FOXP1: variants seen among roughly 807,000 people sequenced by gnomAD.
FOXP1 encodes the protein forkhead box protein P1.
In FOXP1, 15 loss-of-function variants were observed where a neutral mutation model predicts 98.2. The observed-to-expected ratio is 0.15, with a 90% confidence interval of 0.10 to 0.24. The LOEUF is 0.24. FOXP1 is among the 10% of genes least tolerant of loss of function. The pLI is 1.00. For missense variants in FOXP1, 633 were observed against 848.5 expected, an observed-to-expected ratio of 0.75 and a Z score of 3.15; for synonymous variants, 371 against 314.5, an observed-to-expected ratio of 1.18 and a Z score of -1.90.
At chr3:71,233,906 A>G (rs2066554564) in intron 5 of FOXP1, among the ~76,000 whole-genome samples, 1 of 152,216 alleles carries the variant, frequency 6.6e-6, no homozygotes, top group Non-Finnish European at 1.5e-5. Flanking sequence ...ATTACATGAC[A>G]GAGAAATTTT....
chr3:71,208,384 G>C (rs1284215981), intron 5 of FOXP1, among the ~76,000 whole-genome samples: 2 of 152,140 alleles, frequency 1.3e-5, no homozygotes, highest in African/African-American at 4.8e-5. Context: ...ATTACACTAA[G>C]GAAATCTCTT....
intron 5 of FOXP1, among the ~76,000 whole-genome samples, chr3:71,235,709 G>T (rs1361156593): frequency 1.3e-5 from 2 of 152,098 alleles, no homozygotes; most frequent in South Asian, 4.2e-4. Flanking sequence ...TGGGACTAAA[G>T]GTGCGTGCCA....
intron 3 of FOXP1, among the ~76,000 whole-genome samples, chr3:71,421,294 T>C (rs889149262): frequency 6.6e-6 from 1 of 152,108 alleles, no homozygotes; most frequent in Non-Finnish European, 1.5e-5. Flanking sequence ...ATAAAAAAAA[T>C]TAAACACATT....
intron 5 of FOXP1, among the ~76,000 whole-genome samples, chr3:71,271,617 G>A (rs781487699): frequency 5.9e-5 from 9 of 152,136 alleles, no homozygotes; most frequent in South Asian, 4.1e-4. Flanking sequence ...AGAACCACAC[G>A]GGTAATAGCA....
chr3:70,977,922 G>T lies in FOXP1; in HGVS notation c.1254C>A (p.Thr418=), dbSNP rs1320454766. ...TGGTTGTGATGACAGAGGGGCCTTG[G>T]GTGACGGGAGTCAGGGGGGCGGTTG... ...TTPTAPLTPV[T]QGPSVITTTS... is the part of the protein sequence containing the mutation. The change falls in exon 15 of 21, where the codon ACC becomes ACA. Residue 418 remains threonine (T), a synonymous_variant. Coordinates refer to ENST00000649528, the MANE Select transcript of FOXP1 (RefSeq NM_001349338.3). 5 of 1,614,164 alleles carry T rather than the reference G, an allele frequency of 3.1e-6. No individual in the cohort carries two copies. Among genetic ancestry groups the T allele is most frequent in the Admixed American group, 3.3e-5 (2 of 60,022 alleles).
intron 6 of FOXP1, among the ~76,000 whole-genome samples, chr3:71,180,915 G>A (rs986289301): frequency 6.6e-5 from 10 of 152,090 alleles, no homozygotes. Flanking sequence ...GTTGCTAGTA[G>A]GTATGGTGGA....
At chr3:71,323,211 C>T (rs931559560) in intron 4 of FOXP1, among the ~76,000 whole-genome samples, 2 of 152,028 alleles carry the variant, frequency 1.3e-5, no homozygotes, top group African/African-American at 4.8e-5. Context: ...CCTCATGATC[C>T]GCCCGCCTCG....
intron 4 of FOXP1, among the ~76,000 whole-genome samples, chr3:71,355,408 T>A (rs529385013): frequency 1.3e-5 from 2 of 151,962 alleles, no homozygotes; most frequent in Admixed American, 6.6e-5. Flanking sequence ...TCAAGAAAAA[T>A]AATAAAGGGG....
At chr3:71,180,352 T>G (rs979124198) in intron 6 of FOXP1, among the ~76,000 whole-genome samples, 4 of 152,038 alleles carry the variant, frequency 2.6e-5, no homozygotes, top group African/African-American at 9.7e-5. Context: ...GCTGTCTTGG[T>G]TCTAGGTACT....
intron 3 of FOXP1, among the ~76,000 whole-genome samples, chr3:71,373,538 T>TTTTTCTATAG (rs1167343148): frequency 6.6e-6 from 1 of 152,166 alleles, no homozygotes; most frequent in Non-Finnish European, 1.5e-5. Context: ...TACCAAATGA[T>TTTTTCTATAG]TTTTCTATAG....
intron 3 of FOXP1, among the ~76,000 whole-genome samples, chr3:71,390,672 T>C (rs1577262500): frequency 6.6e-6 from 1 of 152,198 alleles, no homozygotes; most frequent in African/African-American, 2.4e-5. Flanking sequence ...CATGATGACA[T>C]TCTGTTCCAG....
At chr3:71,446,356 G>A (rs1484305640) in intron 3 of FOXP1, among the ~76,000 whole-genome samples, 1 of 152,090 alleles carries the variant, frequency 6.6e-6, no homozygotes, top group African/African-American at 2.4e-5. Context: ...AACAGGGAGG[G>A]TAATAAGCAG....
chr3:71,452,416 C>A (rs2087039985), intron 3 of FOXP1, among the ~76,000 whole-genome samples: 2 of 152,094 alleles, frequency 1.3e-5, no homozygotes, highest in South Asian at 2.1e-4. Flanking sequence ...TACAATGATA[C>A]CTTATTTTCT....
At chr3:71,291,975 G>A (rs1441341039) in intron 5 of FOXP1, among the ~76,000 whole-genome samples, 1 of 152,062 alleles carries the variant, frequency 6.6e-6, no homozygotes, top group Non-Finnish European at 1.5e-5. Flanking sequence ...AAAGTGCTGG[G>A]ATTACAGGCC....
At chr3:70,985,463 C>A (rs531071467) in intron 14 of FOXP1, among the ~76,000 whole-genome samples, 60 of 152,094 alleles carry the variant, frequency 3.9e-4, no homozygotes, top group Non-Finnish European at 6.3e-4. Flanking sequence ...TTTCCCAATG[C>A]CTCACCTATA....
chr3:71,198,754 G>A (rs1032876793), intron 5 of FOXP1, among the ~76,000 whole-genome samples: 2 of 151,602 alleles, frequency 1.3e-5, no homozygotes, highest in African/African-American at 2.4e-5. Flanking sequence ...GTGCAGCGGT[G>A]CAATCTCGGC....
At chr3:71,484,131 C>G (rs1238977364) in intron 3 of FOXP1, among the ~76,000 whole-genome samples, 1 of 152,184 alleles carries the variant, frequency 6.6e-6, no homozygotes, top group Non-Finnish European at 1.5e-5. Flanking sequence ...TACACAATAA[C>G]TTTCTTATAT....
At chr3:71,496,814 A>C (rs2091448879) in intron 2 of FOXP1, among the ~76,000 whole-genome samples, 1 of 151,946 alleles carries the variant, frequency 6.6e-6, no homozygotes, top group Non-Finnish European at 1.5e-5. Flanking sequence ...TAAAAAAACA[A>C]AAGAAACAAA....
chr3:71,389,473 A>G (rs1469848432), intron 3 of FOXP1, among the ~76,000 whole-genome samples: 1 of 152,190 alleles, frequency 6.6e-6, no homozygotes, highest in Non-Finnish European at 1.5e-5. Context: ...GGATGAACAC[A>G]ACGACGTGTA....
Sources: allele counts gnomAD v4.1 joint callset (sites outside exome capture counted in the v4.1 genomes callset), GRCh38; gene constraint gnomAD v4.1.1; transcripts MANE v1.5; gene names NCBI Gene and HGNC (gene_info 2026-07-23, HGNC 2026-07-21).